GRIK4: variants seen among roughly 807,000 people sequenced by gnomAD.
GRIK4 encodes the protein glutamate receptor ionotropic, kainate 4.
Under a neutral mutation model 104.9 loss-of-function variants are expected in GRIK4, and 40 were observed. That is an observed-to-expected ratio of 0.38 (90% CI 0.30 to 0.50). The LOEUF (loss-of-function observed/expected upper bound fraction) is 0.50, where lower values mean the gene tolerates loss of function less well. GRIK4 is among the 20% of genes least tolerant of loss of function. GRIK4 has a pLI of 0.93. For synonymous variants in GRIK4, 485 were observed against 524.9 expected (o/e 0.92, Z 1.04); for missense variants, 1,047 against 1,308.1 (o/e 0.80, Z 3.08).
At chr11:120,863,398 C>CTA (rs1257587304) in intron 9 of GRIK4, among the ~76,000 whole-genome samples, 1 of 152,210 alleles carries the variant, frequency 6.6e-6, no homozygotes, top group African/African-American at 2.4e-5. Flanking sequence ...GTGTAGTAGG[C>CTA]TATAGCATCT....
At chr11:120,860,796 T>A (rs1954243302) in intron 8 of GRIK4, among the ~76,000 whole-genome samples, 1 of 152,178 alleles carries the variant, frequency 6.6e-6, no homozygotes, top group Non-Finnish European at 1.5e-5. Context: ...AGGTTGAGGT[T>A]CTTAGAAAGC....
At chr11:120,651,774 T>G (rs1479108497) in intron 1 of GRIK4, among the ~76,000 whole-genome samples, 1 of 152,254 alleles carries the variant, frequency 6.6e-6, no homozygotes, top group East Asian at 1.9e-4. Flanking sequence ...CAGGGACACC[T>G]GGGCTGATCT....
At chr11:120,579,193 A>G (rs1291439776) in intron 1 of GRIK4, among the ~76,000 whole-genome samples, 1 of 151,674 alleles carries the variant, frequency 6.6e-6, no homozygotes, top group Non-Finnish European at 1.5e-5. Context: ...ATAAACAAGG[A>G]TGATTGGGAA....
At chr11:120,553,937 GCCT>G (rs1948163733) in intron 1 of GRIK4, among the ~76,000 whole-genome samples, 2 of 152,172 alleles carry the variant, frequency 1.3e-5, no homozygotes, top group African/African-American at 4.8e-5. Flanking sequence ...AAACAGAGAA[GCCT>G]CCTGAGACTT....
intron 3 of GRIK4, among the ~76,000 whole-genome samples, chr11:120,699,215 T>A (rs1283832889): frequency 6.6e-6 from 1 of 152,172 alleles, no homozygotes; most frequent in Non-Finnish European, 1.5e-5. Flanking sequence ...TTGATCTCTC[T>A]TGGTGGCTCG....
At chr11:120,697,702 G>A (rs1950475703) in intron 3 of GRIK4, among the ~76,000 whole-genome samples, 1 of 152,194 alleles carries the variant, frequency 6.6e-6, no homozygotes, top group South Asian at 2.1e-4. Context: ...GCAATGGGCT[G>A]CAGAGCTCTG....
At chr11:120,663,738 A>G (rs989401760) in intron 3 of GRIK4, among the ~76,000 whole-genome samples, 3 of 152,122 alleles carry the variant, frequency 2.0e-5, no homozygotes, top group East Asian at 1.9e-4. Flanking sequence ...TGCTCTCCCT[A>G]TAGTGCTCTT....
In GRIK4 at chr11:120,819,787, C is replaced by A; in HGVS notation, c.378C>A (p.Phe126Leu). 2 of 1,614,176 alleles carry A rather than the reference C, an allele frequency of 1.2e-6. No individual in the cohort carries two copies. The highest frequency in any genetic ancestry group is 1.7e-6 in the Non-Finnish European group (2 of 1,180,006). The stretch of plus-strand genomic sequence containing the variant: ...ACTTCAAAGTGGCCCCAGAGGAGTT[C>A]GTCAAGTTCCAGTTCCAGAGATTCA... ...VPHFKVAPEE[F>L]VKFQFQRFTT... Residue 126 changes from phenylalanine (F) to leucine (L), a missense_variant, in exon 6 of 21, where the codon TTC becomes TTA. Phe to Leu is a conservative substitution (Grantham distance 22, BLOSUM62 0). Coordinates refer to ENST00000527524, the MANE Select transcript of GRIK4 (RefSeq NM_014619.5). The surrounding 1 kb of genome is among the most constrained non-coding windows in gnomAD (Gnocchi z 4.3).
chr11:120,836,681 G>A, intron 7 of GRIK4, 110 bp from the exon 8 acceptor site: 1 of 755,404 alleles, frequency 1.3e-6, no homozygotes, highest in Non-Finnish European at 2.4e-6. Context: ...TCTGCCTGGT[G>A]CCAAGGGGCA....
At position 120,833,291 on chromosome 11, in the gene GRIK4, G is replaced by GAC. The variant is rs35508124; in HGVS notation, c.690+1282_690+1283dup. Reference sequence around the variant, plus strand: ...TCTTTCTCTCTCTCTCTTTCTCTCTGACACACACACACACACACACACGGA... The same window carrying GAC: ...TCTTTCTCTCTCTCTCTTTCTCTCTGACACACACACACACACACACACACGGA... On this transcript the variant is annotated intron_variant, in intron 7 of 20. Coordinates refer to ENST00000527524, the MANE Select transcript of GRIK4 (RefSeq NM_014619.5). Among the ~76,000 whole-genome samples, 388 of 149,914 alleles carry GAC rather than the reference G, an allele frequency of 2.6e-3. 2 individuals are homozygous for GAC. The highest frequency in any genetic ancestry group is 0.01 in the Middle Eastern group (3 of 294).
chr11:120,587,805 T>TG (rs1196776504), intron 1 of GRIK4, among the ~76,000 whole-genome samples: 19 of 152,276 alleles, frequency 1.2e-4, no homozygotes, highest in Non-Finnish European at 1.9e-4. Flanking sequence ...AGTAAGTCTG[T>TG]GGGGTGGCAC....
At position 120,660,250 on chromosome 11, in the gene GRIK4, C is replaced by G; in HGVS notation, c.-50-19C>G. 4 of 1,169,994 alleles carry G rather than the reference C, an allele frequency of 3.4e-6. No homozygotes were observed. The South Asian group carries it at 3.8e-5, about 11-fold the overall frequency. The allele number at this position is 1,169,994 out of a possible 1,614,324, so 72.5% of individuals were successfully genotyped here. ...GCTGGAGCCTGGGACTCACGTGCCC[C>G]CAACCCCCTCTCTCGCAGAGTTATG... On this transcript the variant is annotated intron_variant, in intron 2 of 20. Transcript: ENST00000527524.
At chr11:120,665,930 G>A (rs1437880574) in intron 3 of GRIK4, among the ~76,000 whole-genome samples, 1 of 152,096 alleles carries the variant, frequency 6.6e-6, no homozygotes, top group African/African-American at 2.4e-5. Flanking sequence ...GTGGTTTTGG[G>A]ATGTTTATTC....
rs145610388 is a variant in GRIK4 at position 120,688,619 on chromosome 11, G to A, written c.82+28219G>A. On this transcript the variant is annotated intron_variant, in intron 3 of 20. Transcript: ENST00000527524. ...ATTTTGTCAGAGTGTTAATCCCATG[G>A]GTGAGTAGCAGCATTTTGATACCAG... Among the ~76,000 whole-genome samples, 6 of 152,284 alleles carry A rather than the reference G, an allele frequency of 3.9e-5. No individual in the cohort carries two copies. In the East Asian group the frequency reaches 1.2e-3, roughly 29 times the overall value.
At chr11:120,909,497 T>C (rs150974990) in intron 13 of GRIK4, among the ~76,000 whole-genome samples, 9 of 152,302 alleles carry the variant, frequency 5.9e-5, no homozygotes, top group African/African-American at 2.2e-4. Flanking sequence ...CTTGCAGGCA[T>C]GGCAGCTCTC....
intron 16 of GRIK4, among the ~76,000 whole-genome samples, chr11:120,959,171 C>T (rs1402101745): frequency 6.6e-6 from 1 of 152,202 alleles, no homozygotes; most frequent in South Asian, 2.1e-4. Context: ...GCAGAGCAGG[C>T]ATGATTATCC....
chr11:120,799,671 T>C (rs1434685764), intron 3 of GRIK4, among the ~76,000 whole-genome samples: 2 of 152,210 alleles, frequency 1.3e-5, no homozygotes, highest in East Asian at 3.9e-4. Context: ...CATGGACTTG[T>C]TGCAGAGATT....
chr11:120,686,814 A>G (rs1051929534), intron 3 of GRIK4, among the ~76,000 whole-genome samples: 21 of 152,334 alleles, frequency 1.4e-4, no homozygotes, highest in African/African-American at 5.1e-4. Context: ...GTGGTGATCC[A>G]CGCATAGGCA....
chr11:120,750,040 T>C (rs1280942402), intron 3 of GRIK4, among the ~76,000 whole-genome samples: 1 of 151,776 alleles, frequency 6.6e-6, no homozygotes, highest in African/African-American at 2.4e-5. Flanking sequence ...GCCTCAGAGG[T>C]CCTGGTTTAG....
Sources: allele counts gnomAD v4.1 joint callset (sites outside exome capture counted in the v4.1 genomes callset), GRCh38; gene constraint gnomAD v4.1.1; non-coding constraint Gnocchi (gnomAD v3.1); transcripts MANE v1.5; gene names NCBI Gene and HGNC (gene_info 2026-07-23, HGNC 2026-07-21).